The following ICA1 variants were observed in gnomAD, a reference collection of about 807,000 sequenced individuals.
ICA1 encodes islet cell autoantigen 1.
In ICA1, 40 loss-of-function variants were observed where a neutral mutation model predicts 71.0. The observed-to-expected ratio is 0.56, with a 90% CI of 0.44 to 0.73. The LOEUF (loss-of-function observed/expected upper bound fraction) is 0.73, where lower values mean the gene tolerates loss of function less well. Ranked by LOEUF, ICA1 falls within the 30% of genes least tolerant of loss-of-function variation. The pLI is 0.00. For missense variants in ICA1, 578 were observed against 576.5 expected, an observed-to-expected ratio of 1.00 and a Z score of -0.03; for synonymous variants, 207 against 209.5, an observed-to-expected ratio of 0.99 and a Z score of 0.10.
At chr7:8,159,073 C>G (rs773527846) in intron 6 of ICA1, among the ~76,000 whole-genome samples, 1 of 152,184 alleles carries the variant, frequency 6.6e-6, no homozygotes, top group Non-Finnish European at 1.5e-5. Context: ...ATAGAACATG[C>G]TACATTTGTT....
chr7:8,253,454 T>C (rs1474288275), intron 1 of ICA1, among the ~76,000 whole-genome samples: 1 of 152,194 alleles, frequency 6.6e-6, no homozygotes, highest in African/African-American at 2.4e-5. Context: ...ATGTAATATA[T>C]ACAATATGTA....
rs1792028389 is a variant in ICA1 at position 8,132,958 on chromosome 7, T to C, written c.1061-4816A>G. ...TGCTTAGTCTGTGTTATGGTTTGCA[T>C]ATCTGTCCCTTCCAAAACTCATGCT... is the stretch of plus-strand genomic sequence containing the variant. On this transcript the variant is annotated intron_variant, in intron 12 of 13. Coordinates refer to ENST00000402384, the MANE Select transcript of ICA1 (RefSeq NM_001136020.3). This position sits in a 1 kb window ranked among gnomAD's most constrained non-coding sequence, Gnocchi z 4.5. 6.6e-6 allele frequency among the ~76,000 whole-genome samples: 1 copy of C among 152,256 alleles called. No homozygotes were observed. The highest frequency in any genetic ancestry group is 2.1e-4 in the South Asian group (1 of 4,834).
intron 6 of ICA1, among the ~76,000 whole-genome samples, chr7:8,170,687 C>T (rs141414355): frequency 1.6e-4 from 25 of 152,022 alleles, no homozygotes; most frequent in Admixed American, 9.2e-4. Context: ...CAAAATTCAA[C>T]GATTAGCTTT....
chr7:8,214,628 C>G (rs551531491), intron 6 of ICA1, among the ~76,000 whole-genome samples: 1 of 152,328 alleles, frequency 6.6e-6, no homozygotes, highest in South Asian at 2.1e-4. Context: ...CGCTTTCCCA[C>G]CTCTTTGTAT....
At chr7:8,157,487 T>A in intron 7 of ICA1, 1 of 421,042 alleles carries the variant, frequency 2.4e-6, no homozygotes, top group Non-Finnish European at 4.2e-6. Context: ...TGATCCATCC[T>A]CCAAAACCCA....
intron 6 of ICA1, among the ~76,000 whole-genome samples, chr7:8,183,943 C>A (rs1783070857): frequency 6.6e-6 from 1 of 152,078 alleles, no homozygotes; most frequent in Non-Finnish European, 1.5e-5. Flanking sequence ...TTGAAAAACA[C>A]CGCAAGAATA....
intron 6 of ICA1, among the ~76,000 whole-genome samples, chr7:8,180,604 T>C (rs900695117): frequency 2.0e-5 from 3 of 152,190 alleles, no homozygotes; most frequent in Non-Finnish European, 4.4e-5. Flanking sequence ...ACACTCCGAC[T>C]ATCAGTGCAT....
intron 13 of ICA1, among the ~76,000 whole-genome samples, chr7:8,115,646 G>A (rs1415931356): frequency 6.6e-6 from 1 of 152,176 alleles, no homozygotes; most frequent in Non-Finnish European, 1.5e-5. Context: ...ACTTAAAAGA[G>A]CATCATGGGA....
At chr7:8,166,632 T>C (rs1806071768) in intron 6 of ICA1, among the ~76,000 whole-genome samples, 1 of 151,988 alleles carries the variant, frequency 6.6e-6, no homozygotes, top group Non-Finnish European at 1.5e-5. Context: ...AAAGCAAAAA[T>C]TGGCAAATGG....
intron 4 of ICA1, among the ~76,000 whole-genome samples, chr7:8,228,145 A>G (rs973398618): frequency 1.3e-5 from 2 of 152,226 alleles, no homozygotes; most frequent in African/African-American, 4.8e-5. Flanking sequence ...ATATGAAAAT[A>G]TTGTTCTGTA....
At chr7:8,257,681 T>C (rs1221000404) in intron 1 of ICA1, among the ~76,000 whole-genome samples, 1 of 152,212 alleles carries the variant, frequency 6.6e-6, no homozygotes, top group Non-Finnish European at 1.5e-5. Context: ...AATTGAACTC[T>C]GCAATGTTCT....
chr7:8,149,189 C>T (rs1798008934), intron 8 of ICA1, among the ~76,000 whole-genome samples: 1 of 152,208 alleles, frequency 6.6e-6, no homozygotes, highest in Non-Finnish European at 1.5e-5. Flanking sequence ...ATGGGAGCCA[C>T]ATACGAATCC....
chr7:8,258,498 T>G (rs1327280771), intron 1 of ICA1, among the ~76,000 whole-genome samples: 1 of 152,206 alleles, frequency 6.6e-6, no homozygotes, highest in African/African-American at 2.4e-5. Flanking sequence ...GAACTGCCAC[T>G]TCTCAGACAC....
intron 13 of ICA1, among the ~76,000 whole-genome samples, chr7:8,125,633 C>T (rs1213864516): frequency 6.6e-6 from 1 of 152,170 alleles, no homozygotes; most frequent in Non-Finnish European, 1.5e-5. Flanking sequence ...TTATTCACTG[C>T]CTGTCTGCAT....
chr7:8,199,183 T>C (rs903635655), intron 6 of ICA1, among the ~76,000 whole-genome samples: 1 of 152,128 alleles, frequency 6.6e-6, no homozygotes, highest in Admixed American at 6.5e-5. Flanking sequence ...CTCAGAAAAC[T>C]AAAAGTAGAG....
intron 6 of ICA1, among the ~76,000 whole-genome samples, chr7:8,186,048 G>C (rs183205763): frequency 6.6e-4 from 101 of 152,320 alleles, no homozygotes; most frequent in African/African-American, 2.2e-3. Context: ...AAGAGTGGTT[G>C]TATAAAGAAC....
At chr7:8,219,621 C>A (rs192960416) in intron 5 of ICA1, among the ~76,000 whole-genome samples, 5 of 152,330 alleles carry the variant, frequency 3.3e-5, no homozygotes, top group Admixed American at 1.3e-4. Context: ...CTAGATGTTG[C>A]AGATTATTTT....
At chr7:8,184,946 C>T (rs201260467) in intron 6 of ICA1, among the ~76,000 whole-genome samples, 51 of 151,982 alleles carry the variant, frequency 3.4e-4, no homozygotes, top group African/African-American at 1.0e-3. Flanking sequence ...TGGTGGCGTG[C>T]GCCTATAGTC....
intron 4 of ICA1, among the ~76,000 whole-genome samples, chr7:8,228,294 AT>A (rs5882159): frequency 0.18 from 27,682 of 152,088 alleles, 6,658 homozygotes; most frequent in African/African-American, 0.56. Context: ...AGATAATCAC[AT>A]TAAAAAAAAA....
Sources: allele counts gnomAD v4.1 joint callset (sites outside exome capture counted in the v4.1 genomes callset), GRCh38; gene constraint gnomAD v4.1.1; non-coding constraint Gnocchi (gnomAD v3.1); transcripts MANE v1.5; gene names NCBI Gene and HGNC (gene_info 2026-07-23, HGNC 2026-07-21).